The following KCNJ15 variants were observed in gnomAD, a reference collection of about 807,000 sequenced individuals.
The protein encoded by KCNJ15 is ATP-sensitive inward rectifier potassium channel 15.
KCNJ15 carries 14 observed loss-of-function variants against 23.0 expected under a neutral mutation model. That is an observed-to-expected ratio of 0.61 (90% CI 0.40 to 0.95). The LOEUF is 0.95. Ranked by LOEUF, KCNJ15 falls within the 40% of genes least tolerant of loss-of-function variation. KCNJ15 has a pLI of 0.00. For missense variants in KCNJ15, 388 were observed against 461.8 expected, an observed-to-expected ratio of 0.84 and a Z score of 1.46; for synonymous variants, 185 against 183.2, an observed-to-expected ratio of 1.01 and a Z score of -0.08.
chr21:38,244,278 A>G (rs1464487119), intron 1 of KCNJ15, among the ~76,000 whole-genome samples: 1 of 152,164 alleles, frequency 6.6e-6, no homozygotes, highest in Admixed American at 6.5e-5. Flanking sequence ...TGTGTAACGT[A>G]AGCCAGATTG....
intron 1 of KCNJ15, chr21:38,238,715 T>A: frequency 2.4e-6 from 1 of 408,282 alleles, no homozygotes; most frequent in Admixed American, 3.4e-5. Flanking sequence ...TGAAAGATTG[T>A]TCAGAAGAGG....
At chr21:38,271,300 G>C (rs953381036) in intron 1 of KCNJ15, among the ~76,000 whole-genome samples, 1 of 152,240 alleles carries the variant, frequency 6.6e-6, no homozygotes, top group Non-Finnish European at 1.5e-5. Context: ...GCTCGGAGGG[G>C]CTGGGTCATT....
rs1365120207 is a variant in KCNJ15, at chr21:38,300,519, C to CAAAA, written c.*132_*133insAAAA. 3 of 718,010 alleles carry CAAAA rather than the reference C, an allele frequency of 4.2e-6. No homozygotes were observed. In the East Asian group the frequency reaches 8.3e-5, roughly 20 times the overall value. 44.5% of individuals were successfully genotyped at this position (718,010 alleles called of 1,614,324 possible). The stretch of plus-strand genomic sequence containing the variant: ...CAAAAACTGCACGGACATACAAAAT[C>CAAAA]AATCTTTTCCTTTGATCTTGTGGCT... On this transcript the variant is annotated 3_prime_UTR_variant, in exon 3 of 3. Transcript: ENST00000398938.
Position 38,246,259 on chromosome 21 carries a change from A to G in KCNJ15, c.-398-10787A>G, listed in dbSNP as rs557924140. Among the ~76,000 whole-genome samples the G allele has an allele frequency of 1.5e-3, 235 of 152,360 alleles. 3 individuals carry two copies. The highest frequency in any genetic ancestry group is 2.7e-3 in the Non-Finnish European group (184 of 68,040). On this transcript the variant is annotated intron_variant, in intron 1 of 4. Coordinates refer to the KCNJ15 transcript ENST00000547341. ...TGCTGTTTTGGATAATGGCTTAGGA[A>G]TAAGAATAATGCCCACTGAAGAAGT...
At chr21:38,280,801 T>A (rs956891227) in intron 1 of KCNJ15, among the ~76,000 whole-genome samples, 3 of 152,202 alleles carry the variant, frequency 2.0e-5, no homozygotes, top group African/African-American at 4.8e-5. Flanking sequence ...AGTGGCTCCT[T>A]TCTCAACAGT....
chr21:38,264,512 A>C (rs944915613), intron 1 of KCNJ15, among the ~76,000 whole-genome samples: 2 of 152,268 alleles, frequency 1.3e-5, no homozygotes, highest in Non-Finnish European at 2.9e-5. Flanking sequence ...TTGTGCTTTC[A>C]GGGCATGGCC....
chr21:38,253,294 T>C (rs2123585357), upstream of KCNJ15, among the ~76,000 whole-genome samples: 1 of 152,358 alleles, frequency 6.6e-6, no homozygotes, highest in Non-Finnish European at 1.5e-5. Flanking sequence ...TTTAATTTTG[T>C]GGCTTCCCAG....
At chr21:38,233,847 AT>A (rs1207872720) in intron 1 of KCNJ15, among the ~76,000 whole-genome samples, 1 of 152,078 alleles carries the variant, frequency 6.6e-6, no homozygotes, top group East Asian at 1.9e-4. Context: ...TAATATTGTT[AT>A]TATACATATT....
intron 1 of KCNJ15, among the ~76,000 whole-genome samples, chr21:38,235,413 G>C (rs1978535336): frequency 6.6e-6 from 1 of 152,042 alleles, no homozygotes; most frequent in African/African-American, 2.4e-5. Flanking sequence ...AATTAGCTGG[G>C]CGTCGTGGCA....
rs374452830 is a variant in KCNJ15, at chr21:38,303,889, A to G, written c.*3500A>G. On this transcript the variant is annotated 3_prime_UTR_variant, in exon 3 of 3. Coordinates refer to ENST00000398938, the MANE Select transcript of KCNJ15 (RefSeq NM_170736.3). Reference sequence around the variant, plus strand: ...ATATATGCCCAGCTGGAGGGAGAAGAAGAGAAAAATGAAAGCACTAGGCCT... The same window carrying G: ...ATATATGCCCAGCTGGAGGGAGAAGGAGAGAAAAATGAAAGCACTAGGCCT... The G allele has an allele frequency of 5.1e-4, 77 of 152,270 alleles. No individual in the cohort carries two copies. Among genetic ancestry groups the G allele is most frequent in the African/African-American group, 1.6e-3 (68 of 41,564 alleles). The allele number at this position is 152,270 out of a possible 1,614,324, so 9.4% of individuals were successfully genotyped here.
Position 38,299,599 on chromosome 21 carries a change from C to T in KCNJ15, c.338C>T (p.Ser113Phe), listed in dbSNP as rs549879402. 6.2e-7 allele frequency: 1 copy of T among 1,614,152 alleles called. No homozygotes were observed. The highest frequency in any genetic ancestry group is 8.5e-7 in the Non-Finnish European group (1 of 1,180,030). Residue 113 changes from serine (S) to phenylalanine (F), a missense_variant, in exon 3 of 3, where the codon TCT becomes TTT. Ser to Phe is a radical substitution (Grantham distance 155). Transcript: ENST00000398938. This position sits in a 1 kb window ranked among gnomAD's most constrained non-coding sequence, Gnocchi z 4.5. Reference protein sequence around the residue: ...NHTPCIMKVDSLTGAFLFSLE... With the variant: ...NHTPCIMKVDFLTGAFLFSLE... The stretch of plus-strand genomic sequence containing the variant: ...ACCCCCTGCATCATGAAAGTGGACT[C>T]TCTCACTGGGGCGTTTCTCTTTTCC...
chr21:38,294,837 C>T (rs1291112666), intron 1 of KCNJ15, among the ~76,000 whole-genome samples: 2 of 152,178 alleles, frequency 1.3e-5, no homozygotes, highest in African/African-American at 4.8e-5. Context: ...TGACCTCAGA[C>T]CATTAATCTT....
At chr21:38,237,928 C>A (rs1375565437) in intron 1 of KCNJ15, among the ~76,000 whole-genome samples, 8 of 149,668 alleles carry the variant, frequency 5.3e-5, no homozygotes, top group Admixed American at 1.3e-4. Context: ...ATTGCAAAGA[C>A]AAAGGGAACA....
At chr21:38,290,995 AACACACACAC>A (rs57018976) in intron 1 of KCNJ15, among the ~76,000 whole-genome samples, 3 of 127,200 alleles carry the variant, frequency 2.4e-5, no homozygotes, top group Admixed American at 7.6e-5. Flanking sequence ...AAAAAGGCTA[AACACACACAC>A]ACACACACAC....
At chr21:38,286,216 C>T (rs1983885747) in intron 1 of KCNJ15, among the ~76,000 whole-genome samples, 1 of 152,016 alleles carries the variant, frequency 6.6e-6, no homozygotes, top group Non-Finnish European at 1.5e-5. Context: ...GCACTCCAGC[C>T]CAGGTGACAG....
intron 1 of KCNJ15, among the ~76,000 whole-genome samples, chr21:38,289,064 G>T (rs1400261525): frequency 1.3e-5 from 2 of 152,044 alleles, no homozygotes; most frequent in Admixed American, 1.3e-4. Context: ...GGGTATGGTG[G>T]TGCATGCCTA....
chr21:38,261,441 T>C lies in KCNJ15; in HGVS notation c.-117+4256T>C, dbSNP rs575944746. On this transcript the variant is annotated intron_variant, in intron 1 of 2. Transcript: ENST00000398938. ...AAAGCCCTGATACTTGTCTCTTGAA[T>C]GAATGGTTGAATTAACTTATGTAAA... is the stretch of plus-strand genomic sequence containing the variant. Among the ~76,000 whole-genome samples, 22 of 152,326 alleles carry C rather than the reference T, an allele frequency of 1.4e-4. No homozygotes were observed. The South Asian group carries it at 4.6e-3, about 32-fold the overall frequency.
chr21:38,285,473 G>A (rs1983788294), intron 1 of KCNJ15: 1 of 152,158 alleles, frequency 6.6e-6, no homozygotes, highest in African/African-American at 2.4e-5. Flanking sequence ...TCACACAGCT[G>A]GTGTTAACAG....
Position 38,302,617 on chromosome 21 carries a change from GT to G in KCNJ15, c.*2229del, listed in dbSNP as rs1474715303. The G allele has an allele frequency of 6.6e-6, 1 of 152,038 alleles. No individual in the cohort carries two copies. The highest frequency in any genetic ancestry group is 1.5e-5 in the Non-Finnish European group (1 of 68,018). 9.4% of individuals were successfully genotyped at this position (152,038 alleles called of 1,614,324 possible). On this transcript the variant is annotated 3_prime_UTR_variant, in exon 3 of 3. Transcript: ENST00000398938. ...ATACTTGCTATTTTTACTGTATAGT[GT>G]GGTATAATCAACAAAAAATAATGCC...
Sources: allele counts gnomAD v4.1 joint callset (sites outside exome capture counted in the v4.1 genomes callset), GRCh38; gene constraint gnomAD v4.1.1; non-coding constraint Gnocchi (gnomAD v3.1); transcripts MANE v1.5; gene names NCBI Gene and HGNC (gene_info 2026-07-23, HGNC 2026-07-21).